Variants in DISC1 observed in about 807,000 individuals in gnomAD.
The protein encoded by DISC1 is disrupted in schizophrenia 1 protein.
A neutral mutation model predicts 84.5 loss-of-function variants in DISC1; 57 were observed. That is an observed-to-expected ratio of 0.67 (90% confidence interval 0.55 to 0.84). The LOEUF (loss-of-function observed/expected upper bound fraction) is 0.84. Among genes scored for constraint, DISC1 ranks in the 40% least tolerant of loss-of-function variants. The pLI, the probability that DISC1 is intolerant of heterozygous loss-of-function variation, is 0.00. For synonymous variants in DISC1, 411 were observed against 415.2 expected (o/e 0.99, Z 0.12); for missense variants, 1,000 against 1,057.8 (o/e 0.95, Z 0.76).
At chr1:231,736,823 A>T (rs1180016282) in intron 3 of DISC1, among the ~76,000 whole-genome samples, 1 of 152,242 alleles carries the variant, frequency 6.6e-6, no homozygotes, top group East Asian at 1.9e-4. Flanking sequence ...CCTCCTTAGA[A>T]TTAGAATGGC....
chr1:231,917,174 A>T (rs1181779300), intron 9 of DISC1, among the ~76,000 whole-genome samples: 5 of 152,212 alleles, frequency 3.3e-5, no homozygotes, highest in African/African-American at 9.6e-5. Context: ...TTAGGATTCC[A>T]ATGCTCCTTC....
chr1:231,702,137 A>T lies in DISC1; in HGVS notation c.1117+113A>T, dbSNP rs1364280660. ...AAGAATTGTACAATCTGTTCCTCTG[A>T]TCATCTCTACCAGGGAATAGTTGAC... On this transcript the variant is annotated intron_variant, in intron 3 of 12. Coordinates refer to ENST00000439617, the MANE Select transcript of DISC1 (RefSeq NM_018662.3). The T allele has an allele frequency of 2.0e-6, 3 of 1,478,316 alleles. No homozygotes were observed. The East Asian group carries it at 7.7e-5, about 38-fold the overall frequency. 91.6% of individuals were successfully genotyped at this position (1,478,316 alleles called of 1,614,324 possible). A position where few individuals can be genotyped will look rare whatever the true frequency, so the allele number is the denominator to read the frequency against.
At chr1:231,807,508 G>T (rs2079834092) in intron 8 of DISC1, among the ~76,000 whole-genome samples, 1 of 152,190 alleles carries the variant, frequency 6.6e-6, no homozygotes, top group African/African-American at 2.4e-5. Flanking sequence ...TTCAAAAAAT[G>T]GACCCTCATT....
intron 9 of DISC1, among the ~76,000 whole-genome samples, chr1:231,952,669 A>G (rs1467345506): frequency 6.9e-6 from 1 of 145,482 alleles, no homozygotes; most frequent in Non-Finnish European, 1.5e-5. Context: ...ACCTTGGCCT[A>G]TTGTCTCTCA....
At chr1:231,989,053 C>G (rs1333562099) in intron 10 of DISC1, among the ~76,000 whole-genome samples, 2 of 152,226 alleles carry the variant, frequency 1.3e-5, no homozygotes, top group African/African-American at 2.4e-5. Context: ...ATCCATGTGG[C>G]TCTCATTAAC....
intron 11 of DISC1, among the ~76,000 whole-genome samples, chr1:232,019,687 G>A (rs1320931173): frequency 3.9e-5 from 6 of 152,156 alleles, no homozygotes; most frequent in Admixed American, 3.9e-4. Flanking sequence ...TTTGGAATCC[G>A]CTGAGGTGAT....
At chr1:231,896,735 T>C (rs981179006) in intron 9 of DISC1, among the ~76,000 whole-genome samples, 9 of 152,348 alleles carry the variant, frequency 5.9e-5, no homozygotes, top group Non-Finnish European at 1.3e-4. Flanking sequence ...CCTCATAGAA[T>C]GTGGCAGATT....
intron 6 of DISC1, among the ~76,000 whole-genome samples, chr1:231,775,042 T>G (rs2076856842): frequency 6.6e-6 from 1 of 152,188 alleles, no homozygotes; most frequent in African/African-American, 2.4e-5. Flanking sequence ...CCAGACAAAT[T>G]GTGAAACAGG....
At chr1:231,834,050 C>T (rs540393707) in intron 9 of DISC1, among the ~76,000 whole-genome samples, 1 of 152,014 alleles carries the variant, frequency 6.6e-6, no homozygotes, top group East Asian at 1.9e-4. Context: ...TTTATAGTTG[C>T]TGAAAAAGAG....
chr1:231,773,627 G>T (rs1328976678), intron 6 of DISC1, among the ~76,000 whole-genome samples: 1 of 152,130 alleles, frequency 6.6e-6, no homozygotes, highest in Non-Finnish European at 1.5e-5. Flanking sequence ...CTCATGATCT[G>T]CCCTCCTTGG....
At position 231,954,290 on chromosome 1, in the gene DISC1, A is replaced by G. The variant is rs551871914; in HGVS notation, c.1982-4538A>G. 1.6e-4 allele frequency among the ~76,000 whole-genome samples: 24 copies of G among 152,320 alleles called. No homozygotes were observed. The highest frequency in any genetic ancestry group is 2.8e-4 in the Non-Finnish European group (19 of 68,038). ...TTTTTCTATTTAATTAGTGCCAAGTATATGGTCTTGCATGAAGGAGGACCC... is the reference window on the plus strand; with the variant it reads ...TTTTTCTATTTAATTAGTGCCAAGTGTATGGTCTTGCATGAAGGAGGACCC... On this transcript the variant is annotated intron_variant, in intron 9 of 12. Transcript: ENST00000439617. This position sits in a 1 kb window ranked among gnomAD's most constrained non-coding sequence, Gnocchi z 4.8.
chr1:231,753,841 C>T (rs2074867031), intron 4 of DISC1, among the ~76,000 whole-genome samples: 1 of 152,140 alleles, frequency 6.6e-6, no homozygotes, highest in African/African-American at 2.4e-5. Flanking sequence ...TGCTTTGCTG[C>T]TTAGAAATGT....
chr1:231,692,421 G>C (rs201384650), intron 1 of DISC1, among the ~76,000 whole-genome samples: 1 of 152,218 alleles, frequency 6.6e-6, no homozygotes, highest in Non-Finnish European at 1.5e-5. Flanking sequence ...GAAATAGGGG[G>C]CTAGAGGTCA....
chr1:231,960,894 A>G (rs925128091), intron 10 of DISC1, among the ~76,000 whole-genome samples: 18 of 152,222 alleles, frequency 1.2e-4, no homozygotes, highest in African/African-American at 2.9e-4. Flanking sequence ...GATTCCCATG[A>G]TCCCCTCCTT....
intron 6 of DISC1, among the ~76,000 whole-genome samples, chr1:231,777,622 A>T (rs1036269586): frequency 6.6e-6 from 1 of 152,130 alleles, no homozygotes; most frequent in African/African-American, 2.4e-5. Context: ...TGTGTGAGCA[A>T]TGCTGGCCAG....
At position 231,656,002 on chromosome 1, in the gene DISC1, G is replaced by T. The variant is rs148825267; in HGVS notation, c.67+29068G>T. Among the ~76,000 whole-genome samples the T allele has an allele frequency of 2.8e-3, 430 of 152,252 alleles. 7 individuals carry two copies. Among genetic ancestry groups the T allele is most frequent in the East Asian group, 9.6e-3 (50 of 5,184 alleles). ...TGTAGATTCTGGGTATTAGTCTGTT[G>T]TCGGATGCATAGTTTGCAAATATTT... On this transcript the variant is annotated intron_variant, in intron 1 of 12. Coordinates refer to ENST00000439617, the MANE Select transcript of DISC1 (RefSeq NM_018662.3).
At chr1:231,804,558 A>T (rs2079556531) in intron 8 of DISC1, among the ~76,000 whole-genome samples, 1 of 151,664 alleles carries the variant, frequency 6.6e-6, no homozygotes, top group South Asian at 2.1e-4. Flanking sequence ...CCTAGGCTCA[A>T]GCCATCCTTA....
At chr1:231,797,995 A>G (rs573787532) in intron 7 of DISC1, among the ~76,000 whole-genome samples, 2 of 152,002 alleles carry the variant, frequency 1.3e-5, no homozygotes, top group Admixed American at 6.6e-5. Context: ...TTAAAACAAA[A>G]CTGTCCAGTC....
At position 231,845,955 on chromosome 1, in the gene DISC1, G is replaced by T. The variant is rs1274579829; in HGVS notation, c.1981+27438G>T. Among the ~76,000 whole-genome samples the T allele has an allele frequency of 2.0e-5, 3 of 152,266 alleles. No homozygotes were observed. The East Asian group carries it at 5.8e-4, about 29-fold the overall frequency. ...ATGCAAGGATGGCGGCAGGGCTCGG[G>T]GTGGGGAGGAGGTGGAGGTCCAGGA... On this transcript the variant is annotated intron_variant, in intron 9 of 12. Coordinates refer to ENST00000439617, the MANE Select transcript of DISC1 (RefSeq NM_018662.3).
Sources: gnomAD v4.1 joint callset for allele counts (sites outside exome capture counted in the v4.1 genomes callset) on GRCh38, gnomAD v4.1.1 for gene constraint, Gnocchi (gnomAD v3.1) non-coding constraint, MANE v1.5 for transcripts, NCBI Gene and HGNC (gene_info 2026-07-23, HGNC 2026-07-21) for gene names.